DBNDD1: variants seen among roughly 807,000 people sequenced by gnomAD.
DBNDD1 encodes dysbindin domain-containing protein 1.
Under a neutral mutation model 17.0 loss-of-function variants are expected in DBNDD1, and 14 were observed. The ratio of observed to expected loss-of-function variants is 0.82; its 90% CI spans 0.54 to 1.29. The LOEUF (loss-of-function observed/expected upper bound fraction) is 1.29, where lower values mean the gene tolerates loss of function less well. Among genes scored for constraint, DBNDD1 ranks in the 50% most tolerant of loss-of-function variants. DBNDD1 has a pLI of 0.00. For missense variants in DBNDD1, 221 were observed against 216.2 expected (o/e 1.02, Z -0.14); for synonymous variants, 105 against 102.0 (o/e 1.03, Z -0.18).
In DBNDD1 at chr16:90,009,168, C is replaced by T. The variant is rs142712229; in HGVS notation, c.178+116G>A. 3.9e-3 allele frequency: 5,703 copies of T among 1,455,102 alleles called. 12 individuals are homozygous for T. The highest frequency in any genetic ancestry group is 4.7e-3 in the Non-Finnish European group (5,149 of 1,093,056). 90.1% of individuals were successfully genotyped at this position (1,455,102 alleles called of 1,614,324 possible). A position where few individuals can be genotyped will look rare whatever the true frequency, so the allele number is the denominator to read the frequency against. On this transcript the variant is annotated intron_variant, in intron 2 of 3. Coordinates refer to ENST00000002501, the MANE Select transcript of DBNDD1 (RefSeq NM_001042610.3). ...AGAGCTGCAAGAGCCTAGCACACAG[C>T]GCCGGACCTAGACCCCCCAGGGAGT...
intron 1 of DBNDD1, among the ~76,000 whole-genome samples, chr16:90,017,072 A>G (rs977208233): frequency 6.6e-6 from 1 of 152,236 alleles, no homozygotes; most frequent in Non-Finnish European, 1.5e-5. Flanking sequence ...CCTGGCTTCC[A>G]GGTGGGGCCC....
intron 1 of DBNDD1, among the ~76,000 whole-genome samples, chr16:90,015,430 G>A (rs1043935134): frequency 2.6e-5 from 4 of 152,222 alleles, no homozygotes; most frequent in Non-Finnish European, 5.9e-5. Context: ...GACCATATCA[G>A]TAAAGTTCTG....
chr16:90,019,830 G>A (rs1207325465), upstream of DBNDD1: 41 of 689,522 alleles, frequency 5.9e-5, no homozygotes, highest in Non-Finnish European at 3.2e-5. The surrounding 1 kb of genome is among the most constrained non-coding windows in gnomAD (Gnocchi z 6.1). Context: ...AGGGGCACAG[G>A]AGGGGCCTGA....
chr16:90,016,749 C>G (rs2035648587), intron 1 of DBNDD1, among the ~76,000 whole-genome samples: 1 of 152,196 alleles, frequency 6.6e-6, no homozygotes, highest in Admixed American at 6.5e-5. Context: ...GAAACTTGGC[C>G]CAAATCCTGT....
chr16:90,006,622 G>T, intron 3 of DBNDD1, 130 bp from the exon 4 acceptor site: 2 of 1,202,080 alleles, frequency 1.7e-6, no homozygotes, highest in Non-Finnish European at 2.3e-6. Context: ...CACCAGGCAT[G>T]CACACATCTA....
chr16:90,015,982 G>A (rs545722777), intron 1 of DBNDD1, among the ~76,000 whole-genome samples: 1 of 152,308 alleles, frequency 6.6e-6, no homozygotes, highest in African/African-American at 2.4e-5. Context: ...CTTTAAAAGG[G>A]TGAACTTTAT....
intron 1 of DBNDD1, among the ~76,000 whole-genome samples, chr16:90,014,597 A>G (rs1164081584): frequency 6.6e-6 from 1 of 152,312 alleles, no homozygotes; most frequent in East Asian, 1.9e-4. Flanking sequence ...AGCAGTCCTC[A>G]TTATAGATCC....
chr16:90,009,480 C>T (rs554424925), intron 1 of DBNDD1, 50 bp from the exon 2 acceptor site: 2 of 1,597,700 alleles, frequency 1.3e-6, no homozygotes, highest in South Asian at 1.1e-5. Flanking sequence ...GCTCCCACAT[C>T]CCCCCAGGAC....
chr16:90,013,860 G>A (rs1373533425), intron 1 of DBNDD1, among the ~76,000 whole-genome samples: 1 of 151,950 alleles, frequency 6.6e-6, no homozygotes, highest in African/African-American at 2.4e-5. Context: ...GGGGCATCTG[G>A]GGAGGGTGCT....
chr16:90,014,793 C>T (rs1045274822), intron 1 of DBNDD1, among the ~76,000 whole-genome samples: 8 of 152,066 alleles, frequency 5.3e-5, no homozygotes, highest in Admixed American at 2.0e-4. Context: ...TCACTTGAGG[C>T]CAGGAGTTCG....
chr16:90,013,665 T>A (rs894464501), intron 1 of DBNDD1, among the ~76,000 whole-genome samples: 1 of 152,202 alleles, frequency 6.6e-6, no homozygotes, highest in African/African-American at 2.4e-5. Flanking sequence ...TCTCCCCTTG[T>A]AGTCCCCCTC....
chr16:90,019,243 G>T lies in DBNDD1; in HGVS notation c.31+68C>A. 3 of 822,006 alleles carry T rather than the reference G, an allele frequency of 3.6e-6. No homozygotes were observed. Among genetic ancestry groups the T allele is most frequent in the Non-Finnish European group, 4.9e-6 (3 of 617,726 alleles). 50.9% of individuals were successfully genotyped at this position (822,006 alleles called of 1,614,324 possible). ...GGGAGCGGCGAAGGGTGAGCCCTGG[G>T]GGGAGGGGCTGCGGCTCGCTGCGGG... On this transcript the variant is annotated intron_variant, in intron 1 of 3. Transcript: ENST00000002501. The surrounding 1 kb of genome is among the most constrained non-coding windows in gnomAD (Gnocchi z 6.1).
intron 1 of DBNDD1, among the ~76,000 whole-genome samples, chr16:90,013,046 A>G (rs991230085): frequency 3.3e-5 from 5 of 151,720 alleles, no homozygotes; most frequent in Admixed American, 2.6e-4. Flanking sequence ...CTGGGGCCAG[A>G]GTAGTTCTGC....
At position 90,006,195 on chromosome 16, in the gene DBNDD1, G is replaced by T; in HGVS notation, c.*140C>A. The T allele has an allele frequency of 8.3e-7, 1 of 1,206,768 alleles. No homozygotes were observed. The highest frequency in any genetic ancestry group is 1.1e-6 in the Non-Finnish European group (1 of 884,526). The allele number at this position is 1,206,768 out of a possible 1,614,324, so 74.8% of individuals were successfully genotyped here. On this transcript the variant is annotated 3_prime_UTR_variant, in exon 4 of 4. Transcript: ENST00000002501. ...AGGCCGGTCTCGGGGCTGGCAGAGA[G>T]CTGCCCCCAGGGTGTGTGTCAGGAG...
chr16:90,012,057 G>A (rs1427466438), intron 1 of DBNDD1, among the ~76,000 whole-genome samples: 2 of 152,258 alleles, frequency 1.3e-5, no homozygotes, highest in Admixed American at 1.3e-4. Context: ...CTTCCACACA[G>A]CTCAGAGCAG....
In DBNDD1 at chr16:90,005,507, G is replaced by C. The variant is rs889254679; in HGVS notation, c.*828C>G. ...AGGGCCGTGGGCAGGCCTTGTAGCCGGGCAATGGGATGTGAGCAGAAACGA... is the reference window on the plus strand; with the variant it reads ...AGGGCCGTGGGCAGGCCTTGTAGCCCGGCAATGGGATGTGAGCAGAAACGA... On this transcript the variant is annotated 3_prime_UTR_variant, in exon 4 of 4. Transcript: ENST00000002501. The C allele has an allele frequency of 6.6e-6, 1 of 152,272 alleles. No individual in the cohort carries two copies. Among genetic ancestry groups the C allele is most frequent in the African/African-American group, 2.4e-5 (1 of 41,456 alleles). 9.4% of individuals were successfully genotyped at this position (152,272 alleles called of 1,614,324 possible).
chr16:90,010,064 T>C (rs2035522485), intron 1 of DBNDD1: 1 of 1,612,810 alleles, frequency 6.2e-7, no homozygotes, highest in Non-Finnish European at 8.5e-7. Context: ...TTATTTTTTT[T>C]AGATGGAGTC....
At chr16:90,017,801 T>C (rs1193974940) in intron 1 of DBNDD1, among the ~76,000 whole-genome samples, 1 of 152,216 alleles carries the variant, frequency 6.6e-6, no homozygotes, top group Non-Finnish European at 1.5e-5. Flanking sequence ...GTCAAGAGCG[T>C]GAGCCCTCAG....
upstream of DBNDD1, chr16:90,019,585 C>A: frequency 4.0e-6 from 1 of 249,680 alleles, no homozygotes; most frequent in Non-Finnish European, 7.5e-6. The surrounding 1 kb of genome is among the most constrained non-coding windows in gnomAD (Gnocchi z 6.1). Context: ...CCGGCCCGCG[C>A]GCGCCCCCTG....
Sources: gnomAD v4.1 joint callset for allele counts (sites outside exome capture counted in the v4.1 genomes callset) on GRCh38, gnomAD v4.1.1 for gene constraint, Gnocchi (gnomAD v3.1) non-coding constraint, MANE v1.5 for transcripts, NCBI Gene and HGNC (gene_info 2026-07-23, HGNC 2026-07-21) for gene names.